Variants in YWHAQ observed in about 807,000 individuals in gnomAD.
The protein encoded by YWHAQ is tyrosine 3-monooxygenase/tryptophan 5-monooxygenase activation protein theta.
In YWHAQ, 6 loss-of-function variants were observed where a neutral mutation model predicts 28.3. The ratio of observed to expected loss-of-function variants is 0.21; its 90% CI spans 0.12 to 0.42. The LOEUF is 0.42. Ranked by LOEUF, YWHAQ falls within the 10% of genes least tolerant of loss-of-function variation. The probability of loss-of-function intolerance (pLI) is 1.00; values close to 1 mark genes in which losing one functional copy is unlikely to be tolerated. For synonymous variants in YWHAQ, 143 were observed against 119.1 expected (o/e 1.20, Z -1.31); for missense variants, 201 against 305.6 (o/e 0.66, Z 2.55).
intron 4 of YWHAQ, among the ~76,000 whole-genome samples, chr2:9,587,809 T>G (rs547234240): frequency 2.0e-4 from 31 of 152,350 alleles, no homozygotes; most frequent in Non-Finnish European, 3.2e-4. Context: ...AGGGTCCTCT[T>G]TATTCTCTCG....
At chr2:9,585,938 T>A (rs894466496) in intron 5 of YWHAQ, among the ~76,000 whole-genome samples, 3 of 151,376 alleles carry the variant, frequency 2.0e-5, no homozygotes, top group Admixed American at 6.6e-5. Context: ...AAAGAGAAAC[T>A]TTTTTAAAAA....
At chr2:9,625,906 C>T (rs1466456567) in intron 2 of YWHAQ, among the ~76,000 whole-genome samples, 27 of 152,180 alleles carry the variant, frequency 1.8e-4, no homozygotes. Context: ...AGAGCCCATA[C>T]TTTTTCCACT....
intron 3 of YWHAQ, among the ~76,000 whole-genome samples, chr2:9,590,493 A>C (rs2125062605): frequency 6.6e-6 from 1 of 152,284 alleles, no homozygotes; most frequent in East Asian, 1.9e-4. Context: ...ATTAAGAACA[A>C]AACAACAAAC....
chr2:9,595,796 C>G (rs1261060829), intron 2 of YWHAQ, among the ~76,000 whole-genome samples: 2 of 151,686 alleles, frequency 1.3e-5, no homozygotes, highest in Non-Finnish European at 2.9e-5. Flanking sequence ...TAAGCAGGAG[C>G]TCCCCCTTGT....
intron 2 of YWHAQ, among the ~76,000 whole-genome samples, chr2:9,616,366 G>T (rs188722537): frequency 3.7e-4 from 54 of 147,152 alleles, no homozygotes; most frequent in African/African-American, 1.3e-3. Context: ...AAACTTAGAA[G>T]AAATCATAAG....
At chr2:9,613,603 C>A (rs11890807) in intron 2 of YWHAQ, among the ~76,000 whole-genome samples, 88,072 of 152,084 alleles carry the variant, frequency 0.58, 27,821 homozygotes, top group African/African-American at 0.8. Context: ...CAAAGAGAAG[C>A]AGCATTATCT....
chr2:9,607,163 G>A (rs1666847466), intron 2 of YWHAQ, among the ~76,000 whole-genome samples: 1 of 151,052 alleles, frequency 6.6e-6, no homozygotes, highest in Non-Finnish European at 1.5e-5. Flanking sequence ...TTACAGGCGT[G>A]AGCCACACGC....
At chr2:9,624,238 A>C (rs1321944993) in intron 2 of YWHAQ, among the ~76,000 whole-genome samples, 1 of 152,248 alleles carries the variant, frequency 6.6e-6, no homozygotes, top group African/African-American at 2.4e-5. Context: ...CCTAGGCCAC[A>C]GAGCCAGACT....
chr2:9,596,797 GGTTC>G (rs1200557186), intron 2 of YWHAQ, among the ~76,000 whole-genome samples: 3 of 151,902 alleles, frequency 2.0e-5, no homozygotes, highest in African/African-American at 7.3e-5. Context: ...TTCGCCTCCC[GGTTC>G]AAGCGATTCT....
rs1335518942 is a variant in YWHAQ, at chr2:9,584,317, C to G, written c.*969G>C. ...TATGTTACTCTGCTGTTACATAGGG[C>G]ATAACATTTTCACAAGGCTTTTTTG... is the stretch of plus-strand genomic sequence containing the variant. On this transcript the variant is annotated 3_prime_UTR_variant, in exon 6 of 6. Coordinates refer to ENST00000238081, the MANE Select transcript of YWHAQ (RefSeq NM_006826.4). The G allele has an allele frequency of 1.3e-5, 2 of 152,700 alleles. No individual in the cohort carries two copies. Among genetic ancestry groups the G allele is most frequent in the Admixed American group, 1.3e-4 (2 of 15,292 alleles). The allele number at this position is 152,700 out of a possible 1,614,324, so 9.5% of individuals were successfully genotyped here. A position where few individuals can be genotyped will look rare whatever the true frequency, so the allele number is the denominator to read the frequency against.
chr2:9,605,870 ATTCTT>A (rs1468755586), intron 2 of YWHAQ, among the ~76,000 whole-genome samples: 2 of 151,994 alleles, frequency 1.3e-5, no homozygotes, highest in East Asian at 1.9e-4. Flanking sequence ...CCTCTTGTAC[ATTCTT>A]TTAAGGATTC....
chr2:9,625,324 C>CA (rs1370607021), intron 2 of YWHAQ, among the ~76,000 whole-genome samples: 2 of 151,544 alleles, frequency 1.3e-5, no homozygotes, highest in African/African-American at 4.8e-5. Flanking sequence ...AATCTAAGGG[C>CA]AAAACCCACA....
At chr2:9,593,905 A>AAAAAAATATAT (rs1205661739) in intron 2 of YWHAQ, among the ~76,000 whole-genome samples, 2 of 127,632 alleles carry the variant, frequency 1.6e-5, no homozygotes, top group African/African-American at 6.1e-5. Context: ...GATTAAAAAA[A>AAAAAAATATAT]ATATATATAT....
intron 5 of YWHAQ, among the ~76,000 whole-genome samples, chr2:9,586,322 A>G (rs767191488): frequency 4.6e-5 from 7 of 152,252 alleles, no homozygotes; most frequent in Non-Finnish European, 8.8e-5. Context: ...TTTATTGACT[A>G]TAATTGCACT....
rs1452053347 is a variant in YWHAQ at position 9,584,784 on chromosome 2, A to G, written c.*502T>C. On this transcript the variant is annotated 3_prime_UTR_variant, in exon 6 of 6. Transcript: ENST00000238081. ...AGACAGAGATGGCAAGTGCTTTTCC[A>G]TTCAATCTAATACTTCCGGATTCCT... 1.9e-5 allele frequency: 3 copies of G among 154,790 alleles called. No individual in the cohort carries two copies. Among genetic ancestry groups the G allele is most frequent in the Admixed American group, 1.9e-4 (3 of 15,612 alleles). The allele number at this position is 154,790 out of a possible 1,614,324, so 9.6% of individuals were successfully genotyped here.
intron 2 of YWHAQ, among the ~76,000 whole-genome samples, chr2:9,615,893 T>C (rs2125071347): frequency 6.6e-6 from 1 of 152,262 alleles, no homozygotes; most frequent in Admixed American, 6.5e-5. Flanking sequence ...CATGCCTCAA[T>C]TTCCTTACAA....
In YWHAQ at chr2:9,595,419, C is replaced by T. The variant is rs116301960; in HGVS notation, c.295-3904G>A. Among the ~76,000 whole-genome samples the T allele has an allele frequency of 4.2e-3, 637 of 152,166 alleles. 7 individuals carry two copies. Among genetic ancestry groups the T allele is most frequent in the African/African-American group, 0.014 (601 of 41,534 alleles). The stretch of plus-strand genomic sequence containing the variant: ...GAAAGTCTTTCCCAGAAGTCAGGAG[C>T]GAGGGCCAGGTGCCGTGACTCATGC... On this transcript the variant is annotated intron_variant, in intron 2 of 5. Coordinates refer to ENST00000238081, the MANE Select transcript of YWHAQ (RefSeq NM_006826.4).
intron 4 of YWHAQ, 66 bp downstream of exon 4, chr2:9,588,099 A>G (rs1666382832): frequency 8.8e-6 from 13 of 1,469,472 alleles, no homozygotes; most frequent in Non-Finnish European, 1.2e-5. Flanking sequence ...AATACCTATA[A>G]ATTAACATAC....
At chr2:9,629,991 T>C (rs952825272) in intron 2 of YWHAQ, among the ~76,000 whole-genome samples, 168 bp downstream of exon 2, 1 of 151,868 alleles carries the variant, frequency 6.6e-6, no homozygotes, top group East Asian at 1.9e-4. Context: ...GCTTCTTGAG[T>C]CTCAACAACC....
Sources: allele counts gnomAD v4.1 joint callset (sites outside exome capture counted in the v4.1 genomes callset), GRCh38; gene constraint gnomAD v4.1.1; transcripts MANE v1.5; gene names NCBI Gene and HGNC (gene_info 2026-07-23, HGNC 2026-07-21).